The following ATXN1 variants were observed in gnomAD, a reference collection of about 807,000 sequenced individuals.
ATXN1 encodes the protein ataxin 1.
ATXN1 carries 8 observed loss-of-function variants against 56.4 expected under a neutral mutation model. That is an observed-to-expected ratio of 0.14 (90% CI 0.08 to 0.26). ATXN1 has a LOEUF of 0.26. Ranked by LOEUF, ATXN1 falls within the 10% of genes least tolerant of loss-of-function variation. The pLI is 1.00. For synonymous variants in ATXN1, 514 were observed against 494.6 expected, an observed-to-expected ratio of 1.04 and a Z score of -0.52; for missense variants, 987 against 1,106.5, an observed-to-expected ratio of 0.89 and a Z score of 1.53.
chr6:16,363,705 C>T (rs1761860335), intron 6 of ATXN1, among the ~76,000 whole-genome samples: 1 of 152,200 alleles, frequency 6.6e-6, no homozygotes, highest in South Asian at 2.1e-4. Context: ...TCCAATTTCA[C>T]CTATCTTCCC....
At position 16,327,313 on chromosome 6, in the gene ATXN1, C is replaced by A. The variant is rs773660245; in HGVS notation, c.998G>T (p.Arg333Leu). 13 of 1,613,116 alleles carry A rather than the reference C, an allele frequency of 8.1e-6. 1 individual carries two copies. The South Asian group carries it at 8.8e-5, about 11-fold the overall frequency. ...VLNGEMEKSR[R>L]YGAPSSADLG... Reference sequence around the variant, plus strand: ...GTCGGCTGAGGACGGGGCCCCGTACCGCCGGCTCTTCTCCATCTCACCGTT... The same window carrying A: ...GTCGGCTGAGGACGGGGCCCCGTACAGCCGGCTCTTCTCCATCTCACCGTT... Residue 333 changes from arginine (R) to leucine (L), a missense_variant, in exon 7 of 8, where the codon CGG becomes CTG. By Grantham distance (102) the Arg-to-Leu change is moderately radical. Coordinates refer to ENST00000436367, the MANE Select transcript of ATXN1 (RefSeq NM_001128164.2).
At chr6:16,521,073 T>C (rs1449576340) in intron 5 of ATXN1, among the ~76,000 whole-genome samples, 5 of 152,184 alleles carry the variant, frequency 3.3e-5, no homozygotes, top group Admixed American at 6.5e-5. Context: ...GTGCACTTAG[T>C]TCACCAACCT....
chr6:16,376,990 T>C (rs536210079), intron 6 of ATXN1, among the ~76,000 whole-genome samples: 1 of 152,146 alleles, frequency 6.6e-6, no homozygotes, highest in Non-Finnish European at 1.5e-5. Flanking sequence ...GTTTCATTCA[T>C]TCATTCATTC....
At chr6:16,592,071 T>G (rs149406470) in intron 3 of ATXN1, among the ~76,000 whole-genome samples, 1 of 152,268 alleles carries the variant, frequency 6.6e-6, no homozygotes, top group Non-Finnish European at 1.5e-5. Context: ...TGCACTCATT[T>G]AATGGAAATC....
At chr6:16,478,669 C>A (rs752924667) in intron 6 of ATXN1, among the ~76,000 whole-genome samples, 3 of 152,070 alleles carry the variant, frequency 2.0e-5, no homozygotes, top group Non-Finnish European at 2.9e-5. Flanking sequence ...TCGTAGGAGC[C>A]CCATGCATTA....
chr6:16,760,392 C>A lies in ATXN1; in HGVS notation c.-730+906G>T, dbSNP rs1263238602. On this transcript the variant is annotated intron_variant, in intron 1 of 7. Transcript: ENST00000436367. This position sits in a 1 kb window ranked among gnomAD's most constrained non-coding sequence, Gnocchi z 5.3. Reference sequence around the variant, plus strand: ...GCGGGGGCGCCGGCCCGGACTGGGGCGCTCGCGGGCTCCCGGCTCCGGGCG... The same window carrying A: ...GCGGGGGCGCCGGCCCGGACTGGGGAGCTCGCGGGCTCCCGGCTCCGGGCG... 6.6e-6 allele frequency among the ~76,000 whole-genome samples: 1 copy of A among 151,646 alleles called. No individual in the cohort carries two copies. Among genetic ancestry groups the A allele is most frequent in the Non-Finnish European group, 1.5e-5 (1 of 67,856 alleles).
At chr6:16,317,792 A>T (rs1760549501) in intron 7 of ATXN1, among the ~76,000 whole-genome samples, 1 of 151,998 alleles carries the variant, frequency 6.6e-6, no homozygotes, top group African/African-American at 2.4e-5. Context: ...CAGTGTGGTT[A>T]TAAGAGATCT....
At chr6:16,376,262 G>A (rs1762139384) in intron 6 of ATXN1, among the ~76,000 whole-genome samples, 1 of 152,110 alleles carries the variant, frequency 6.6e-6, no homozygotes, top group South Asian at 2.1e-4. Context: ...GCAAAAGAGA[G>A]AAAAAAATTA....
At chr6:16,402,022 G>A (rs1758584067) in intron 6 of ATXN1, among the ~76,000 whole-genome samples, 1 of 152,076 alleles carries the variant, frequency 6.6e-6, no homozygotes, top group South Asian at 2.1e-4. Flanking sequence ...GCTTATGCAG[G>A]GGAATGCCTC....
At chr6:16,481,967 A>T (rs975029169) in intron 6 of ATXN1, among the ~76,000 whole-genome samples, 4 of 152,282 alleles carry the variant, frequency 2.6e-5, no homozygotes, top group Non-Finnish European at 5.9e-5. Flanking sequence ...GCAGACTTTT[A>T]AAAAAAGTAT....
At chr6:16,314,246 C>T (rs1214698683) in intron 7 of ATXN1, among the ~76,000 whole-genome samples, 4 of 152,160 alleles carry the variant, frequency 2.6e-5, no homozygotes. Context: ...TTGCACACAT[C>T]TCAAATAGGT....
chr6:16,542,436 T>C (rs1253007721), intron 4 of ATXN1, among the ~76,000 whole-genome samples: 1 of 152,234 alleles, frequency 6.6e-6, no homozygotes, highest in African/African-American at 2.4e-5. Flanking sequence ...CCTATGTTAC[T>C]TTGGTCTTGA....
At chr6:16,413,115 G>A (rs530384336) in intron 6 of ATXN1, among the ~76,000 whole-genome samples, 1 of 152,284 alleles carries the variant, frequency 6.6e-6, no homozygotes, top group South Asian at 2.1e-4. Context: ...TGAGCACTTC[G>A]TTTAAATGTG....
At position 16,653,725 on chromosome 6, in the gene ATXN1, C is replaced by T. The variant is rs113757490; in HGVS notation, c.-489+4051G>A. ...GCCTCTGCCCTAGGGGAACACTTTA[C>T]GTATTTGGAAGAAAGTGGGTTTCTA... On this transcript the variant is annotated intron_variant, in intron 3 of 7. Transcript: ENST00000436367. 2.0e-3 allele frequency among the ~76,000 whole-genome samples: 300 copies of T among 152,266 alleles called. 1 individual carries two copies. The highest frequency in any genetic ancestry group is 6.7e-3 in the African/African-American group (279 of 41,542).
At position 16,760,450 on chromosome 6, in the gene ATXN1, C is replaced by G. The variant is rs1468602763; in HGVS notation, c.-730+848G>C. Among the ~76,000 whole-genome samples, 1 of 150,916 alleles carries G rather than the reference C, an allele frequency of 6.6e-6. No individual in the cohort carries two copies. Among genetic ancestry groups the G allele is most frequent in the African/African-American group, 2.4e-5 (1 of 41,204 alleles). ...CCGCTGCACATGATCAGGAAGCGGC[C>G]GCACCAACAGGGCGGCGGTGGCGGC... On this transcript the variant is annotated intron_variant, in intron 1 of 7. Transcript: ENST00000436367. The surrounding 1 kb of genome is among the most constrained non-coding windows in gnomAD (Gnocchi z 5.3).
In ATXN1 at chr6:16,670,348, C is replaced by T. The variant is rs181502089; in HGVS notation, c.-614-12447G>A. Among the ~76,000 whole-genome samples the T allele has an allele frequency of 1.2e-4, 19 of 152,296 alleles. No homozygotes were observed. In the East Asian group the frequency reaches 3.5e-3, roughly 28 times the overall value. On this transcript the variant is annotated intron_variant, in intron 2 of 7. Transcript: ENST00000436367. The stretch of plus-strand genomic sequence containing the variant: ...CCACAAAAGCTGGCTCTAGAAAATA[C>T]AGATCTGATCCTTGTACTCTCCAAA...
intron 4 of ATXN1, among the ~76,000 whole-genome samples, chr6:16,542,904 GTCTCTC>G (rs372686797): frequency 6.6e-6 from 1 of 151,174 alleles, no homozygotes; most frequent in African/African-American, 2.4e-5. Context: ...TGAATGTGGT[GTCTCTC>G]TCTCTCTCTC....
intron 7 of ATXN1, among the ~76,000 whole-genome samples, chr6:16,308,527 A>C (rs997803461): frequency 6.6e-6 from 1 of 152,060 alleles, no homozygotes; most frequent in African/African-American, 2.4e-5. Context: ...CAGGTAATGG[A>C]GTTCAGGATA....
chr6:16,529,042 G>A lies in ATXN1; in HGVS notation c.-360-6354C>T, dbSNP rs559030911. 2.6e-5 allele frequency among the ~76,000 whole-genome samples: 4 copies of A among 152,146 alleles called. No homozygotes were observed. The East Asian group carries it at 7.7e-4, about 29-fold the overall frequency. ...AAAAATACAGAAATTAGCTGGGCAT[G>A]GCGGTGTGTGCCTGTAATCCCAGCT... On this transcript the variant is annotated intron_variant, in intron 4 of 7. Coordinates refer to ENST00000436367, the MANE Select transcript of ATXN1 (RefSeq NM_001128164.2).
Sources: gnomAD v4.1 joint callset for allele counts (sites outside exome capture counted in the v4.1 genomes callset) on GRCh38, gnomAD v4.1.1 for gene constraint, Gnocchi (gnomAD v3.1) non-coding constraint, MANE v1.5 for transcripts, NCBI Gene and HGNC (gene_info 2026-07-23, HGNC 2026-07-21) for gene names.